CEP85L: variants seen among roughly 807,000 people sequenced by gnomAD.
CEP85L encodes the protein centrosomal protein 85L, also known as centrosomal protein of 85 kDa-like.
CEP85L carries 60 observed loss-of-function variants against 100.3 expected under a neutral mutation model. The observed-to-expected ratio is 0.60, with a 90% confidence interval of 0.49 to 0.74. The LOEUF (loss-of-function observed/expected upper bound fraction) is 0.74, where lower values mean the gene tolerates loss of function less well. Among genes scored for constraint, CEP85L ranks in the 30% least tolerant of loss-of-function variants. The probability of loss-of-function intolerance (pLI) is 0.00; values close to 1 mark genes in which losing one functional copy is unlikely to be tolerated. For synonymous variants in CEP85L, 319 were observed against 322.7 expected, an observed-to-expected ratio of 0.99 and a Z score of 0.12; for missense variants, 973 against 936.2, an observed-to-expected ratio of 1.04 and a Z score of -0.51.
At chr6:118,495,125 A>G (rs1405416454) in intron 5 of CEP85L, among the ~76,000 whole-genome samples, 1 of 141,148 alleles carries the variant, frequency 7.1e-6, no homozygotes, top group Admixed American at 6.9e-5. Flanking sequence ...TGAAAAAGAG[A>G]AAAAAAAAAA....
intron 5 of CEP85L, among the ~76,000 whole-genome samples, chr6:118,503,141 T>C (rs751819342): frequency 3.9e-5 from 6 of 152,200 alleles, no homozygotes; most frequent in African/African-American, 1.4e-4. Flanking sequence ...TTTTTCAGTA[T>C]GTCAACAATG....
In CEP85L at chr6:118,462,912, G is replaced by C. The variant is rs997860164; in HGVS notation, c.*2493C>G. 4 of 151,784 alleles carry C rather than the reference G, an allele frequency of 2.6e-5. No homozygotes were observed. Among genetic ancestry groups the C allele is most frequent in the Non-Finnish European group, 4.4e-5 (3 of 67,852 alleles). The allele number at this position is 151,784 out of a possible 1,614,324, so 9.4% of individuals were successfully genotyped here. ...CAATTCCCCCACAAAATCCCTCCAAGTCTATCTACTGTTTATGTAGGCCCC... is the reference window on the plus strand; with the variant it reads ...CAATTCCCCCACAAAATCCCTCCAACTCTATCTACTGTTTATGTAGGCCCC... On this transcript the variant is annotated 3_prime_UTR_variant, in exon 13 of 13. Coordinates refer to ENST00000368491, the MANE Select transcript of CEP85L (RefSeq NM_001042475.3).
intron 1 of CEP85L, among the ~76,000 whole-genome samples, chr6:118,639,585 A>G (rs1303692519): frequency 6.6e-6 from 1 of 152,174 alleles, no homozygotes; most frequent in Non-Finnish European, 1.5e-5. Flanking sequence ...AGGTGGCATT[A>G]AATACTTTGT....
At position 118,469,228 on chromosome 6, in the gene CEP85L, C is replaced by G. The variant is rs754470866; in HGVS notation, c.2098G>C (p.Val700Leu). The G allele has an allele frequency of 6.2e-7, 1 of 1,614,070 alleles. No individual in the cohort carries two copies. The highest frequency in any genetic ancestry group is 8.5e-7 in the Non-Finnish European group (1 of 1,179,956). Residue 700 changes from valine (V) to leucine (L), a missense_variant, in exon 12 of 13, where the codon GTT becomes CTT. Transcript: ENST00000368491. ...QEPDQSRQQT[V>L]LSKRPLFDLT... ...TCAAATAGTGGCCGTTTGGAAAGAA[C>G]TGTCTGCTGCCTAGATTGGTCAGGT...
At chr6:118,512,870 CA>C (rs1182297616) in intron 4 of CEP85L, among the ~76,000 whole-genome samples, 1 of 151,458 alleles carries the variant, frequency 6.6e-6, no homozygotes, top group Non-Finnish European at 1.5e-5. Context: ...ATTGGGAGTA[CA>C]AAAAAAGCAG....
intron 10 of CEP85L, among the ~76,000 whole-genome samples, chr6:118,476,283 G>GTT (rs1256551783): frequency 2.8e-5 from 4 of 140,708 alleles, no homozygotes; most frequent in Non-Finnish European, 4.7e-5. Context: ...CAGTGTGTGC[G>GTT]TTTTTTTTTT....
intron 1 of CEP85L, among the ~76,000 whole-genome samples, chr6:118,691,533 C>CAAAA (rs372306868): frequency 0.038 from 3,337 of 88,442 alleles, 90 homozygotes; most frequent in African/African-American, 0.094. Context: ...AACTCCATCT[C>CAAAA]AAAAAAAAAA....
At chr6:118,585,728 G>T (rs1562284981) in intron 2 of CEP85L, among the ~76,000 whole-genome samples, 1 of 152,166 alleles carries the variant, frequency 6.6e-6, no homozygotes. Flanking sequence ...TTTCAGGAAA[G>T]AACTTACTAA....
chr6:118,565,763 G>C lies in CEP85L; in HGVS notation c.786C>G (p.Ser262Arg), dbSNP rs1169756586. Reference protein sequence around the residue: ...VDMTYSALPESKPIMTSSEAF... With the variant: ...VDMTYSALPERKPIMTSSEAF... ...CCTCTGAGCTTGTCATAATGGGCTT[G>C]CTTTCAGGTAAGGCACTATATGTCA... Residue 262 changes from serine to arginine, a missense_variant, in exon 3 of 13, where the codon AGC becomes AGG. Physicochemically the swap from Ser to Arg is moderately radical, Grantham distance 110. Around this residue, in one of 3 missense-constraint regions of CEP85L, gnomAD observed 890 missense variants for 844.5 expected, o/e 1.05. Coordinates refer to ENST00000368491, the MANE Select transcript of CEP85L (RefSeq NM_001042475.3). 6.2e-7 allele frequency: 1 copy of C among 1,614,160 alleles called. No individual in the cohort carries two copies. Among genetic ancestry groups the C allele is most frequent in the Non-Finnish European group, 8.5e-7 (1 of 1,180,008 alleles).
intron 1 of CEP85L, among the ~76,000 whole-genome samples, chr6:118,666,700 G>GC: frequency 6.6e-6 from 1 of 151,860 alleles, no homozygotes; most frequent in African/African-American, 2.4e-5. Context: ...TCAAGATCCA[G>GC]CTCCCTGACA....
chr6:118,469,015 T>C (rs1042627122), intron 12 of CEP85L, 57 bp downstream of exon 12: 5 of 1,187,514 alleles, frequency 4.2e-6, no homozygotes, highest in Non-Finnish European at 5.0e-6. Context: ...AAGTTCCTGA[T>C]TCATGAAGAT....
chr6:118,564,519 A>G (rs189104614), intron 3 of CEP85L, among the ~76,000 whole-genome samples: 2 of 152,358 alleles, frequency 1.3e-5, no homozygotes, highest in East Asian at 3.9e-4. Context: ...AACTGTATCT[A>G]AAATAAGAAT....
At chr6:118,555,425 CA>C (rs200889385) in intron 3 of CEP85L, among the ~76,000 whole-genome samples, 44 of 116,372 alleles carry the variant, frequency 3.8e-4, no homozygotes, top group Admixed American at 6.5e-4. Context: ...AAGACTGTCT[CA>C]AAAAAAAAAA....
At chr6:118,600,894 C>A (rs1781752496) in intron 2 of CEP85L, among the ~76,000 whole-genome samples, 1 of 151,616 alleles carries the variant, frequency 6.6e-6, no homozygotes, top group Non-Finnish European at 1.5e-5. Context: ...TAGAAATTTG[C>A]TTGAATTTCT....
chr6:118,516,251 C>T (rs1205451360), intron 4 of CEP85L, among the ~76,000 whole-genome samples: 1 of 152,140 alleles, frequency 6.6e-6, no homozygotes, highest in Non-Finnish European at 1.5e-5. Context: ...GATTTATAAT[C>T]CTTTGGGTAT....
rs62422234 is a variant in CEP85L at position 118,647,523 on chromosome 6, G to C, written c.73+3674C>G. Among the ~76,000 whole-genome samples the C allele has an allele frequency of 1.3e-4, 20 of 151,882 alleles. 1 individual carries two copies. Among genetic ancestry groups the C allele is most frequent in the Non-Finnish European group, 2.1e-4 (14 of 67,958 alleles). On this transcript the variant is annotated intron_variant, in intron 1 of 12. Transcript: ENST00000368491. Reference sequence around the variant, plus strand: ...ATTACAGGCGCACGCCACCACGCCCGGCTAATTTTTGTATTTTTAGTAGAG... The same window carrying C: ...ATTACAGGCGCACGCCACCACGCCCCGCTAATTTTTGTATTTTTAGTAGAG...
intron 10 of CEP85L, among the ~76,000 whole-genome samples, chr6:118,476,866 T>C (rs932354733): frequency 7.9e-5 from 12 of 152,206 alleles, no homozygotes; most frequent in African/African-American, 2.9e-4. Flanking sequence ...TTAGTAAACA[T>C]TTTAATGTCA....
chr6:118,501,852 C>A, intron 5 of CEP85L: 2 of 1,302,470 alleles, frequency 1.5e-6, no homozygotes, highest in Non-Finnish European at 2.2e-6. Flanking sequence ...GATGCCGAAG[C>A]ACAAGCCTTC....
At chr6:118,702,279 G>A (rs1777440072) in intron 1 of CEP85L, among the ~76,000 whole-genome samples, 1 of 152,128 alleles carries the variant, frequency 6.6e-6, no homozygotes, top group African/African-American at 2.4e-5. Flanking sequence ...GGGAGGCTGA[G>A]GTGGGAGGAT....
Sources: allele counts gnomAD v4.1 joint callset (sites outside exome capture counted in the v4.1 genomes callset), GRCh38; gene constraint gnomAD v4.1.1; regional missense constraint gnomAD v4.1.1; transcripts MANE v1.5; gene names NCBI Gene and HGNC (gene_info 2026-07-23, HGNC 2026-07-21).